The following SETD2 variants were observed in gnomAD, a reference collection of about 807,000 sequenced individuals.
SETD2 encodes the protein histone-lysine N-methyltransferase SETD2.
Under a neutral mutation model 242.1 loss-of-function variants are expected in SETD2, and 31 were observed. The ratio of observed to expected loss-of-function variants is 0.13; its 90% CI spans 0.10 to 0.17. SETD2 has a LOEUF of 0.17. SETD2 is among the 10% of genes least tolerant of loss of function. SETD2 has a pLI of 1.00. For synonymous variants in SETD2, 1,006 were observed against 1,066.5 expected, an observed-to-expected ratio of 0.94 and a Z score of 1.11; for missense variants, 2,481 against 3,046.3, an observed-to-expected ratio of 0.81 and a Z score of 4.37.
In SETD2 at chr3:47,121,569, T is replaced by C; in HGVS notation, c.3067A>G (p.Ser1023Gly). The C allele has an allele frequency of 1.2e-6, 2 of 1,614,160 alleles. No homozygotes were observed. Among genetic ancestry groups the C allele is most frequent in the Non-Finnish European group, 1.7e-6 (2 of 1,180,008 alleles). The change falls in exon 3 of 21, where the codon AGT becomes GGT. Residue 1023 changes from serine to glycine, a missense_variant. By Grantham distance (56) the Ser-to-Gly change is moderately conservative. This residue lies in a region of SETD2 where 1,300 missense variants were observed against 1,259.2 expected (regional missense o/e 1.03). Coordinates refer to ENST00000409792, the MANE Select transcript of SETD2 (RefSeq NM_014159.7). ...ACAATTTCTGGGGCATGACCACTAC[T>C]GTCACACTTTAATGCATAAGTTACA... ...DGVTYALKCD[S>G]SGHAPEIVST... is the part of the protein sequence containing the mutation.
chr3:47,149,194 C>T (rs994439020), intron 1 of SETD2, among the ~76,000 whole-genome samples: 1 of 152,136 alleles, frequency 6.6e-6, no homozygotes, highest in East Asian at 1.9e-4. Flanking sequence ...TATTCCTTAA[C>T]ATCATTAAAA....
Position 47,084,286 on chromosome 3 carries a change from T to A in SETD2, c.5494A>T (p.Thr1832Ser), listed in dbSNP as rs2107640412. The A allele has an allele frequency of 6.2e-7, 1 of 1,614,070 alleles. No individual in the cohort carries two copies. The highest frequency in any genetic ancestry group is 8.5e-7 in the Non-Finnish European group (1 of 1,179,958). Residue 1832 changes from threonine (T) to serine (S), a missense_variant, in exon 12 of 21, where the codon ACT (threonine) becomes TCT (serine). Transcript: ENST00000409792. Reference protein sequence around the residue: ...PIIQRWSQTKTAVPPLSEGDG... With the variant: ...PIIQRWSQTKSAVPPLSEGDG... The stretch of plus-strand genomic sequence containing the variant: ...CCTTCACTCAACGGAGGGACAGCAG[T>A]CTTAGTCTGAGACCAGCGTTGAATA...
At chr3:47,146,173 T>A (rs2043847074) in intron 1 of SETD2, among the ~76,000 whole-genome samples, 1 of 152,092 alleles carries the variant, frequency 6.6e-6, no homozygotes, top group Non-Finnish European at 1.5e-5. Context: ...CAGTACAATA[T>A]ATTAGGAGCA....
intron 12 of SETD2, among the ~76,000 whole-genome samples, chr3:47,069,899 A>G (rs1331259812): frequency 6.6e-6 from 1 of 152,164 alleles, no homozygotes; most frequent in Non-Finnish European, 1.5e-5. Context: ...CCCACACTAT[A>G]AGGGAAAAAA....
At chr3:47,098,143 C>T (rs771157501) in intron 8 of SETD2, 62 bp from the exon 9 acceptor site, 2 of 1,570,414 alleles carry the variant, frequency 1.3e-6, no homozygotes, top group African/African-American at 1.4e-5. Flanking sequence ...AAACTGTTGG[C>T]AATACACACA....
At chr3:47,057,517 A>C (rs1407941238) in intron 14 of SETD2, 27 bp from the exon 15 acceptor site, 2 of 1,573,402 alleles carry the variant, frequency 1.3e-6, no homozygotes, top group East Asian at 4.5e-5. Context: ...GACCACAAAA[A>C]GTTGCTCCCT....
intron 12 of SETD2, among the ~76,000 whole-genome samples, chr3:47,072,601 G>A (rs1345694640): frequency 3.9e-5 from 6 of 151,944 alleles, no homozygotes; most frequent in East Asian, 1.9e-4. Flanking sequence ...CAGGCAGATC[G>A]CTTTAGGCCA....
At chr3:47,081,987 T>C (rs1050072251) in intron 12 of SETD2, among the ~76,000 whole-genome samples, 1 of 152,150 alleles carries the variant, frequency 6.6e-6, no homozygotes, top group African/African-American at 2.4e-5. Context: ...TCAAGCTACA[T>C]ATAAAATTGC....
At chr3:47,056,073 A>AG (rs1287358199) in intron 15 of SETD2, among the ~76,000 whole-genome samples, 1 of 125,712 alleles carries the variant, frequency 8.0e-6, no homozygotes. Context: ...AAAAAAAAAA[A>AG]AAAAGAAAAG....
intron 12 of SETD2, among the ~76,000 whole-genome samples, chr3:47,069,523 C>G (rs1449233283): frequency 6.6e-6 from 1 of 152,176 alleles, no homozygotes; most frequent in Non-Finnish European, 1.5e-5. Flanking sequence ...TCAGATGATT[C>G]TGATGCACAG....
At chr3:47,022,058 A>C (rs1406706437) in intron 18 of SETD2, among the ~76,000 whole-genome samples, 1 of 146,548 alleles carries the variant, frequency 6.8e-6, no homozygotes, top group East Asian at 2.2e-4. Context: ...GAGGCAGGAG[A>C]ATCGCTTGTG....
chr3:47,080,746 C>T (rs1164529704), intron 12 of SETD2: 2 of 970,618 alleles, frequency 2.1e-6, no homozygotes, highest in East Asian at 2.3e-4. Flanking sequence ...ATGTGTAAGC[C>T]TTGTGGAGTC....
chr3:47,106,984 ATCT>A (rs2042453545), intron 5 of SETD2, among the ~76,000 whole-genome samples: 1 of 152,104 alleles, frequency 6.6e-6, no homozygotes, highest in Admixed American at 6.6e-5. Flanking sequence ...ATTGTTATTT[ATCT>A]TCTTCTTTGG....
At chr3:47,055,383 T>C (rs1044698404) in intron 15 of SETD2, among the ~76,000 whole-genome samples, 1 of 152,186 alleles carries the variant, frequency 6.6e-6, no homozygotes, top group Non-Finnish European at 1.5e-5. Flanking sequence ...GTGATGATAA[T>C]GCTTTGAACA....
chr3:47,122,011 C>A lies in SETD2; in HGVS notation c.2625G>T (p.Gly875=), dbSNP rs2043114598. The change falls in exon 3 of 21, where the codon GGG becomes GGT. Residue 875 remains glycine, a synonymous_variant. Transcript: ENST00000409792. ...NHFDDLYQPI[G]SSGIASSLQS... ...GAAGAGATGAAGCAATACCTGAACTCCCAATAGGTTGATATAAATCATCAA... is the reference window on the plus strand; with the variant it reads ...GAAGAGATGAAGCAATACCTGAACTACCAATAGGTTGATATAAATCATCAA... 6.2e-7 allele frequency: 1 copy of A among 1,613,904 alleles called. No individual in the cohort carries two copies. The highest frequency in any genetic ancestry group is 1.3e-5 in the African/African-American group (1 of 75,030).
At position 47,098,097 on chromosome 3, in the gene SETD2, A is replaced by G; in HGVS notation, c.5016-16T>C. ...GGCTTCTTTTCTGTTCAAAGAGCATAGGAAAGAAGTCAGCTATGTGGAAGT... is the reference window on the plus strand; with the variant it reads ...GGCTTCTTTTCTGTTCAAAGAGCATGGGAAAGAAGTCAGCTATGTGGAAGT... On this transcript the variant is annotated splice_polypyrimidine_tract_variant and intron_variant, in intron 8 of 20. Coordinates refer to ENST00000409792, the MANE Select transcript of SETD2 (RefSeq NM_014159.7). 5 of 1,613,456 alleles carry G rather than the reference A, an allele frequency of 3.1e-6. No homozygotes were observed. Among genetic ancestry groups the G allele is most frequent in the Non-Finnish European group, 4.2e-6 (5 of 1,179,586 alleles).
intron 12 of SETD2, among the ~76,000 whole-genome samples, chr3:47,074,878 G>C (rs1247269868): frequency 6.6e-6 from 1 of 152,222 alleles, no homozygotes; most frequent in Non-Finnish European, 1.5e-5. Context: ...GCTCACGCCT[G>C]TAATCCCAAC....
intron 4 of SETD2, among the ~76,000 whole-genome samples, chr3:47,114,283 C>T (rs1484704259): frequency 4.6e-5 from 7 of 152,158 alleles, no homozygotes; most frequent in Non-Finnish European, 1.0e-4. Context: ...GTCTAGAATA[C>T]ATTTTCAGGC....
intron 14 of SETD2, 130 bp from the exon 15 acceptor site, chr3:47,057,620 A>T (rs1334990022): frequency 3.1e-6 from 2 of 654,284 alleles, no homozygotes; most frequent in Admixed American, 5.6e-5. Flanking sequence ...CTGGTTTACA[A>T]CTATACTCAA....
Sources: allele counts gnomAD v4.1 joint callset (sites outside exome capture counted in the v4.1 genomes callset), GRCh38; gene constraint gnomAD v4.1.1; regional missense constraint gnomAD v4.1.1; transcripts MANE v1.5; gene names NCBI Gene and HGNC (gene_info 2026-07-23, HGNC 2026-07-21).